LRRC8D: variants seen among roughly 807,000 people sequenced by gnomAD.
LRRC8D encodes leucine rich repeat containing 8 VRAC subunit D.
In LRRC8D, 20 loss-of-function variants were observed where a neutral mutation model predicts 55.8. The observed-to-expected ratio is 0.36, with a 90% CI of 0.25 to 0.52. LRRC8D has a LOEUF of 0.52. Among genes scored for constraint, LRRC8D ranks in the 20% least tolerant of loss-of-function variants. The pLI, the probability that LRRC8D is intolerant of heterozygous loss-of-function variation, is 0.93. For synonymous variants in LRRC8D, 352 were observed against 377.0 expected, an observed-to-expected ratio of 0.93 and a Z score of 0.77; for missense variants, 651 against 1,030.8, an observed-to-expected ratio of 0.63 and a Z score of 5.05.
At chr1:89,833,710 C>G (rs1660938284) in intron 1 of LRRC8D, 1 of 152,190 alleles carries the variant, frequency 6.6e-6, no homozygotes, top group Admixed American at 6.5e-5. Context: ...CCATGTGTGT[C>G]AGGCAGTGAG....
intron 2 of LRRC8D, among the ~76,000 whole-genome samples, chr1:89,872,703 G>T (rs1030196773): frequency 1.3e-5 from 2 of 152,162 alleles, no homozygotes; most frequent in African/African-American, 4.8e-5. Context: ...ATTTCCCTGA[G>T]ATGAATGCTG....
intron 1 of LRRC8D, among the ~76,000 whole-genome samples, chr1:89,826,901 A>G (rs1332175551): frequency 6.6e-6 from 1 of 152,228 alleles, no homozygotes; most frequent in Non-Finnish European, 1.5e-5. Context: ...TCTTGTGGGC[A>G]AATAGGTGGT....
chr1:89,836,442 C>T (rs1037452172), intron 1 of LRRC8D, among the ~76,000 whole-genome samples: 19 of 152,300 alleles, frequency 1.2e-4, no homozygotes, highest in African/African-American at 3.9e-4. Flanking sequence ...TCTGCCTGTG[C>T]GGCATATTTG....
intron 2 of LRRC8D, among the ~76,000 whole-genome samples, chr1:89,852,284 A>C (rs1661439443): frequency 6.6e-6 from 1 of 152,196 alleles, no homozygotes; most frequent in Admixed American, 6.5e-5. Flanking sequence ...CATGCTCATT[A>C]GAGGACTTTA....
At chr1:89,843,592 C>CG in intron 1 of LRRC8D, 46 bp from the exon 2 acceptor site, 5 of 698,542 alleles carry the variant, frequency 7.2e-6, no homozygotes, top group Admixed American at 2.0e-5. Context: ...CCGCTGCCGA[C>CG]ACTTGGATCT....
Position 89,895,870 on chromosome 1 carries a change from T to A in LRRC8D, c.-2-37197T>A, listed in dbSNP as rs577086752. On this transcript the variant is annotated intron_variant, in intron 2 of 2. Coordinates refer to ENST00000337338, the MANE Select transcript of LRRC8D (RefSeq NM_001134479.2). ...TGTCTCTGAGTCTGATACTCCAGAGTAGCATACTCAGCTCTACAGGGAAAA... is the reference window on the plus strand; with the variant it reads ...TGTCTCTGAGTCTGATACTCCAGAGAAGCATACTCAGCTCTACAGGGAAAA... Among the ~76,000 whole-genome samples, 9 of 152,266 alleles carry A rather than the reference T, an allele frequency of 5.9e-5. No individual in the cohort carries two copies. In the East Asian group the frequency reaches 1.7e-3, roughly 29 times the overall value.
At chr1:89,926,902 G>GT (rs1557487386) in intron 2 of LRRC8D, among the ~76,000 whole-genome samples, 1 of 152,172 alleles carries the variant, frequency 6.6e-6, no homozygotes, top group Admixed American at 6.5e-5. Flanking sequence ...CACAACTTCC[G>GT]TGAGTCTATT....
intron 2 of LRRC8D, chr1:89,929,833 C>CTGGT (rs771575877): frequency 4.2e-4 from 64 of 152,442 alleles, no homozygotes; most frequent in Admixed American, 1.0e-3. Context: ...AGGCTGCAGA[C>CTGGT]TGGTACCTGT....
intron 1 of LRRC8D, among the ~76,000 whole-genome samples, chr1:89,839,006 A>G (rs1219331048): frequency 6.6e-6 from 1 of 152,050 alleles, no homozygotes; most frequent in Non-Finnish European, 1.5e-5. Flanking sequence ...ATCTTTTTAA[A>G]GTGGGATTTT....
intron 1 of LRRC8D, among the ~76,000 whole-genome samples, chr1:89,831,523 T>C (rs576004590): frequency 2.0e-5 from 3 of 152,284 alleles, no homozygotes; most frequent in Admixed American, 2.0e-4. Flanking sequence ...AGAGATCATC[T>C]ACCCCAGGAG....
At chr1:89,891,977 T>A (rs1196598551) in intron 2 of LRRC8D, among the ~76,000 whole-genome samples, 1 of 152,228 alleles carries the variant, frequency 6.6e-6, no homozygotes, top group African/African-American at 2.4e-5. Flanking sequence ...TATCTCCGGT[T>A]CCATGTATAA....
chr1:89,883,019 T>G (rs1662322835), intron 2 of LRRC8D, among the ~76,000 whole-genome samples: 1 of 152,086 alleles, frequency 6.6e-6, no homozygotes. Flanking sequence ...ATTTAGCAGG[T>G]AGTAGAGTTT....
chr1:89,858,526 G>T (rs1177062832), intron 2 of LRRC8D, among the ~76,000 whole-genome samples: 2 of 152,140 alleles, frequency 1.3e-5, no homozygotes, highest in Non-Finnish European at 2.9e-5. Flanking sequence ...TAAGAAAGTG[G>T]CATGACTTAG....
At chr1:89,900,447 C>T (rs1262994449) in intron 2 of LRRC8D, among the ~76,000 whole-genome samples, 1 of 152,044 alleles carries the variant, frequency 6.6e-6, no homozygotes, top group African/African-American at 2.4e-5. Context: ...TCTTAGTTTG[C>T]CTGATTTCTT....
chr1:89,935,711 A>T lies in LRRC8D; in HGVS notation c.*66A>T. The T allele has an allele frequency of 7.1e-7, 1 of 1,410,930 alleles. No individual in the cohort carries two copies. The highest frequency in any genetic ancestry group is 1.3e-5 in the South Asian group (1 of 78,238). 87.4% of individuals were successfully genotyped at this position (1,410,930 alleles called of 1,614,324 possible). Reference sequence around the variant, plus strand: ...CCTAGATTGCAAGTGCTCACGTACAAGTTATTACAAGATAATGCATTTTAG... The same window carrying T: ...CCTAGATTGCAAGTGCTCACGTACATGTTATTACAAGATAATGCATTTTAG... On this transcript the variant is annotated 3_prime_UTR_variant, in exon 3 of 3. Coordinates refer to ENST00000337338, the MANE Select transcript of LRRC8D (RefSeq NM_001134479.2).
chr1:89,935,366 T>G lies in LRRC8D; in HGVS notation c.2298T>G (p.Ile766Met), dbSNP rs1227981365. 4 of 1,614,122 alleles carry G rather than the reference T, an allele frequency of 2.5e-6. No individual in the cohort carries two copies. Among genetic ancestry groups the G allele is most frequent in the Non-Finnish European group, 3.4e-6 (4 of 1,180,054 alleles). ...ATATCACTGGGAACAAAGTGGACATTCTGCCAAAACAATTGTTTAAATGCA... is the reference window on the plus strand; with the variant it reads ...ATATCACTGGGAACAAAGTGGACATGCTGCCAAAACAATTGTTTAAATGCA... ...HLHITGNKVD[I>M]LPKQLFKCIK... Residue 766 changes from isoleucine to methionine, a missense_variant, in exon 3 of 3, where the codon ATT (isoleucine) becomes ATG (methionine). By Grantham distance (10) the Ile-to-Met change is conservative. This residue lies in a region of LRRC8D where 338 missense variants were observed against 479.4 expected (regional missense o/e 0.71). Coordinates refer to ENST00000337338, the MANE Select transcript of LRRC8D (RefSeq NM_001134479.2).
In LRRC8D at chr1:89,831,704, C is replaced by T. The variant is rs1016927773; in HGVS notation, c.-148+10413C>T. On this transcript the variant is annotated intron_variant, in intron 1 of 2. Coordinates refer to ENST00000337338, the MANE Select transcript of LRRC8D (RefSeq NM_001134479.2). ...TGTATCATGTTAATGTGTACGGTGGCTTCTACAAAAGGGGAATTGGAATGA... is the reference window on the plus strand; with the variant it reads ...TGTATCATGTTAATGTGTACGGTGGTTTCTACAAAAGGGGAATTGGAATGA... 2.0e-5 allele frequency among the ~76,000 whole-genome samples: 3 copies of T among 151,946 alleles called. No individual in the cohort carries two copies. In the East Asian group the frequency reaches 5.8e-4, roughly 29 times the overall value.
At chr1:89,853,343 G>C (rs758985807) in intron 2 of LRRC8D, among the ~76,000 whole-genome samples, 5 of 152,112 alleles carry the variant, frequency 3.3e-5, no homozygotes, top group Admixed American at 6.5e-5. Context: ...GCATTCTTTT[G>C]ATCTTAAGAG....
intron 2 of LRRC8D, among the ~76,000 whole-genome samples, chr1:89,905,078 A>G (rs1662957087): frequency 6.6e-6 from 1 of 152,130 alleles, no homozygotes; most frequent in African/African-American, 2.4e-5. Context: ...GGAACTTGGA[A>G]AGAAATGTCA....
Sources: allele counts gnomAD v4.1 joint callset (sites outside exome capture counted in the v4.1 genomes callset), GRCh38; gene constraint gnomAD v4.1.1; regional missense constraint gnomAD v4.1.1; transcripts MANE v1.5; gene names NCBI Gene and HGNC (gene_info 2026-07-23, HGNC 2026-07-21).